RALYL: variants seen among roughly 807,000 people sequenced by gnomAD.
The protein encoded by RALYL is RNA-binding Raly-like protein.
RALYL carries 29 observed loss-of-function variants against 35.1 expected under a neutral mutation model. That is an observed-to-expected ratio of 0.83 (90% CI 0.61 to 1.13). The LOEUF is 1.13. RALYL is among the 50% of genes most tolerant of loss of function. RALYL has a pLI of 0.00. For missense variants in RALYL, 359 were observed against 360.4 expected, an observed-to-expected ratio of 1.00 and a Z score of 0.03; for synonymous variants, 120 against 127.6, an observed-to-expected ratio of 0.94 and a Z score of 0.40.
chr8:84,232,268 TCTG>T (rs1825550689), intron 1 of RALYL, among the ~76,000 whole-genome samples: 1 of 152,150 alleles, frequency 6.6e-6, no homozygotes, highest in African/African-American at 2.4e-5. Flanking sequence ...TTCCAACTTC[TCTG>T]CTATGAAATA....
chr8:84,425,611 T>C (rs2046317996), intron 1 of RALYL, among the ~76,000 whole-genome samples: 2 of 152,220 alleles, frequency 1.3e-5, no homozygotes, highest in East Asian at 1.9e-4. Context: ...CAGCCACTTG[T>C]CCAATTTTCC....
At position 84,702,971 on chromosome 8, in the gene RALYL, G is replaced by T. The variant is rs150363902; in HGVS notation, c.257-71608G>T. ...AAACAAAACAACTCTAGCCCATTTGGGATTCTTGAAGAGGGCAGGAAGAAG... is the reference window on the plus strand; with the variant it reads ...AAACAAAACAACTCTAGCCCATTTGTGATTCTTGAAGAGGGCAGGAAGAAG... On this transcript the variant is annotated intron_variant, in intron 2 of 8. Coordinates refer to ENST00000521268, the MANE Select transcript of RALYL (RefSeq NM_173848.7). Among the ~76,000 whole-genome samples the T allele has an allele frequency of 3.9e-3, 600 of 152,212 alleles. 6 individuals carry two copies. The highest frequency in any genetic ancestry group is 0.013 in the African/African-American group (550 of 41,540).
At chr8:84,241,356 C>T (rs1033984221) in intron 1 of RALYL, among the ~76,000 whole-genome samples, 11 of 151,958 alleles carry the variant, frequency 7.2e-5, no homozygotes, top group Admixed American at 4.6e-4. Flanking sequence ...CCTGATAATC[C>T]CTGGTTACGT....
intron 1 of RALYL, among the ~76,000 whole-genome samples, chr8:84,444,543 G>T (rs182266367): frequency 4.6e-5 from 7 of 151,938 alleles, no homozygotes; most frequent in Non-Finnish European, 1.0e-4. Context: ...AGGTATGCAC[G>T]CTAGATACAT....
intron 4 of RALYL, among the ~76,000 whole-genome samples, chr8:84,814,240 GA>G (rs1264822739): frequency 6.6e-6 from 1 of 151,158 alleles, no homozygotes; most frequent in Non-Finnish European, 1.5e-5. Flanking sequence ...GAGTCAATCA[GA>G]AAGCTTTAAA....
At chr8:84,323,624 C>T (rs1283066063) in intron 1 of RALYL, among the ~76,000 whole-genome samples, 6 of 152,008 alleles carry the variant, frequency 3.9e-5, no homozygotes, top group Non-Finnish European at 8.8e-5. Context: ...ACTGGTAAAC[C>T]AGCACATCAG....
intron 8 of RALYL, among the ~76,000 whole-genome samples, chr8:84,916,344 T>A (rs1848477893): frequency 6.6e-6 from 1 of 152,034 alleles, no homozygotes; most frequent in South Asian, 2.1e-4. Flanking sequence ...GAGGGTTCTT[T>A]TTTTTTAAAT....
At chr8:84,839,197 G>T (rs1436335445) in intron 4 of RALYL, among the ~76,000 whole-genome samples, 1 of 152,242 alleles carries the variant, frequency 6.6e-6, no homozygotes, top group Non-Finnish European at 1.5e-5. Flanking sequence ...AGTGCAAGAG[G>T]TCAGGGAATT....
At chr8:84,561,702 T>C (rs1299006179) in intron 2 of RALYL, among the ~76,000 whole-genome samples, 2 of 151,866 alleles carry the variant, frequency 1.3e-5, no homozygotes, top group African/African-American at 2.4e-5. Flanking sequence ...GTCAATCTTA[T>C]CAGATCTGAG....
At chr8:84,214,819 C>T (rs554427356) in intron 1 of RALYL, among the ~76,000 whole-genome samples, 6 of 151,780 alleles carry the variant, frequency 4.0e-5, no homozygotes, top group South Asian at 2.1e-4. Flanking sequence ...TTACCTATTG[C>T]GTTTAATAAA....
At chr8:84,600,612 A>G (rs1815707239) in intron 2 of RALYL, among the ~76,000 whole-genome samples, 1 of 152,120 alleles carries the variant, frequency 6.6e-6, no homozygotes, top group Non-Finnish European at 1.5e-5. Flanking sequence ...CACAGACTGA[A>G]TTTGCAGGCC....
chr8:84,746,463 A>T (rs947732440), intron 2 of RALYL, among the ~76,000 whole-genome samples: 1 of 151,952 alleles, frequency 6.6e-6, no homozygotes, highest in Non-Finnish European at 1.5e-5. Flanking sequence ...GAGCATAGCC[A>T]TTTCTTCATC....
chr8:84,754,254 T>TAAA (rs11285717), intron 2 of RALYL, among the ~76,000 whole-genome samples: 1 of 144,606 alleles, frequency 6.9e-6, no homozygotes, highest in African/African-American at 2.5e-5. Flanking sequence ...AGTATAATAA[T>TAAA]AAAAAAAAAA....
chr8:84,426,470 G>GTA (rs1303959248), intron 1 of RALYL, among the ~76,000 whole-genome samples: 1 of 151,306 alleles, frequency 6.6e-6, no homozygotes, highest in African/African-American at 2.4e-5. Context: ...GTGTGTGTGT[G>GTA]TGTGGGTTTA....
intron 2 of RALYL, among the ~76,000 whole-genome samples, chr8:84,562,260 G>C (rs923416552): frequency 6.6e-6 from 1 of 151,828 alleles, no homozygotes; most frequent in African/African-American, 2.4e-5. Flanking sequence ...ACTCATTATA[G>C]TTCATTTGCA....
intron 8 of RALYL, among the ~76,000 whole-genome samples, chr8:84,914,062 T>G (rs896968272): frequency 6.6e-6 from 1 of 152,042 alleles, no homozygotes; most frequent in Non-Finnish European, 1.5e-5. Context: ...TTCAAAGGGC[T>G]TTTAAAATTA....
intron 2 of RALYL, among the ~76,000 whole-genome samples, chr8:84,620,645 A>G (rs945761641): frequency 1.7e-3 from 258 of 152,230 alleles, no homozygotes; most frequent in Non-Finnish European, 3.0e-3. Context: ...GAGGAACTGC[A>G]TTCCTTTGGA....
chr8:84,708,285 G>A (rs1841559223), intron 2 of RALYL, among the ~76,000 whole-genome samples: 1 of 152,034 alleles, frequency 6.6e-6, no homozygotes, highest in Admixed American at 6.6e-5. Flanking sequence ...AGATTCATGT[G>A]GGGCTTTGAA....
At chr8:84,580,226 C>T (rs1810500099) in intron 2 of RALYL, among the ~76,000 whole-genome samples, 1 of 152,140 alleles carries the variant, frequency 6.6e-6, no homozygotes, top group South Asian at 2.1e-4. Context: ...TAATTAATGG[C>T]AAATATATTT....
Sources: allele counts gnomAD v4.1 joint callset (sites outside exome capture counted in the v4.1 genomes callset), GRCh38; gene constraint gnomAD v4.1.1; transcripts MANE v1.5; gene names NCBI Gene and HGNC (gene_info 2026-07-23, HGNC 2026-07-21).